MYCBP2: variants seen among roughly 807,000 people sequenced by gnomAD.
The protein encoded by MYCBP2 is E3 ubiquitin-protein ligase MYCBP2.
Under a neutral mutation model 525.3 loss-of-function variants are expected in MYCBP2, and 120 were observed. That is an observed-to-expected ratio of 0.23 (90% CI 0.20 to 0.27). The LOEUF is 0.27. Ranked by LOEUF, MYCBP2 falls within the 10% of genes least tolerant of loss-of-function variation. The pLI is 1.00. For synonymous variants in MYCBP2, 1,894 were observed against 1,955.8 expected (o/e 0.97, Z 0.83); for missense variants, 4,149 against 5,657.1 (o/e 0.73, Z 8.55).
intron 26 of MYCBP2, 119 bp downstream of exon 26, chr13:77,205,137 A>C (rs1014683910): frequency 4.4e-6 from 4 of 898,984 alleles, no homozygotes; most frequent in Non-Finnish European, 6.0e-6. Flanking sequence ...AAGAAGCATT[A>C]AAAACAAAAT....
intron 3 of MYCBP2, among the ~76,000 whole-genome samples, chr13:77,283,679 T>G (rs559377727): frequency 1.3e-5 from 2 of 152,110 alleles, no homozygotes; most frequent in Admixed American, 1.3e-4. Flanking sequence ...GTCAGACTGC[T>G]TGAGCTCAAG....
chr13:77,307,427 C>T (rs1239578875), intron 1 of MYCBP2, among the ~76,000 whole-genome samples: 2 of 151,078 alleles, frequency 1.3e-5, no homozygotes, highest in African/African-American at 4.9e-5. Flanking sequence ...AAAAAATGGT[C>T]CTGGCCTGGG....
chr13:77,126,415 G>A lies in MYCBP2; in HGVS notation c.7787C>T (p.Thr2596Met), dbSNP rs2051682722. Residue 2596 changes from threonine to methionine, a missense_variant, in exon 53 of 83, where the codon ACG becomes ATG. Physicochemically the swap from Thr to Met is moderately conservative, Grantham distance 81. Around this residue, in one of 21 missense-constraint regions of MYCBP2, gnomAD observed 5 missense variants for 23.4 expected, o/e 0.21. Coordinates refer to ENST00000544440, the MANE Select transcript of MYCBP2 (RefSeq NM_015057.5). ...TCTGATGTTGTGACCTGAAGGTCCC[G>A]TCTTCACTACCTTGTACATGCCTGG... ...GGPGMYKVVK[T>M]GPSGHNIRSC... The A allele has an allele frequency of 3.7e-6, 6 of 1,613,924 alleles. No individual in the cohort carries two copies. The highest frequency in any genetic ancestry group is 1.7e-4 in the Middle Eastern group (1 of 6,058).
chr13:77,054,603 CTT>C (rs113625592), intron 80 of MYCBP2, among the ~76,000 whole-genome samples: 50 of 139,838 alleles, frequency 3.6e-4, no homozygotes, highest in Non-Finnish European at 3.9e-4. Context: ...TTGGTAAAGT[CTT>C]TTTTTTTTTT....
chr13:77,288,088 T>C (rs1359815768), intron 3 of MYCBP2, 73 bp downstream of exon 3: 1 of 1,398,212 alleles, frequency 7.2e-7, no homozygotes. Context: ...ATTTTAGCAA[T>C]GCGTATATAT....
At chr13:77,079,198 T>C (rs563668348) in intron 65 of MYCBP2, among the ~76,000 whole-genome samples, 1 of 152,186 alleles carries the variant, frequency 6.6e-6, no homozygotes, top group Non-Finnish European at 1.5e-5. Flanking sequence ...ACAAATCTGC[T>C]TGTCACTTAT....
At chr13:77,168,870 T>C (rs1327485500) in intron 39 of MYCBP2, among the ~76,000 whole-genome samples, 1 of 152,226 alleles carries the variant, frequency 6.6e-6, no homozygotes, top group Non-Finnish European at 1.5e-5. Context: ...TGTTTTTTCA[T>C]GATCTGAAGT....
intron 14 of MYCBP2, among the ~76,000 whole-genome samples, chr13:77,253,963 T>C (rs898165120): frequency 3.3e-5 from 5 of 151,984 alleles, no homozygotes; most frequent in Non-Finnish European, 7.4e-5. Flanking sequence ...AACTCATTTA[T>C]AACAATGAAA....
At chr13:77,265,473 G>A (rs1567097000) in intron 8 of MYCBP2, among the ~76,000 whole-genome samples, 1 of 152,040 alleles carries the variant, frequency 6.6e-6, no homozygotes, top group Non-Finnish European at 1.5e-5. Context: ...ATAAGCCGAG[G>A]TTTAAAGAAT....
Position 77,205,578 on chromosome 13 carries a change from C to T in MYCBP2, c.3610G>A (p.Ala1204Thr). ...ACACCCATTTTTAAGTCCTGCATAG[C>T]TGCCAAGGTATCAAGACAACCTAAA... ...HILGCLDTLA[A>T]MQDLKMGVAS... The change falls in exon 25 of 83, where the codon GCT becomes ACT. Residue 1204 changes from alanine (A) to threonine (T), a missense_variant. Around this residue, in one of 21 missense-constraint regions of MYCBP2, gnomAD observed 620 missense variants for 795.5 expected, o/e 0.78. Coordinates refer to ENST00000544440, the MANE Select transcript of MYCBP2 (RefSeq NM_015057.5). 1.2e-6 allele frequency: 2 copies of T among 1,612,220 alleles called. No homozygotes were observed. Among genetic ancestry groups the T allele is most frequent in the Non-Finnish European group, 1.7e-6 (2 of 1,179,442 alleles).
intron 14 of MYCBP2, among the ~76,000 whole-genome samples, chr13:77,252,419 C>G (rs1305173131): frequency 6.6e-6 from 1 of 152,124 alleles, no homozygotes; most frequent in Non-Finnish European, 1.5e-5. Context: ...GTAAGAAAGA[C>G]AGACATTAAT....
intron 1 of MYCBP2, among the ~76,000 whole-genome samples, chr13:77,314,851 TG>T (rs2080735904): frequency 6.6e-6 from 1 of 152,032 alleles, no homozygotes; most frequent in Admixed American, 6.6e-5. Context: ...AGGCTATGCG[TG>T]AGTGGGGGAA....
chr13:77,184,871 A>G (rs1023852126), intron 32 of MYCBP2, among the ~76,000 whole-genome samples: 1 of 152,160 alleles, frequency 6.6e-6, no homozygotes, highest in African/African-American at 2.4e-5. Flanking sequence ...ACTCACTCCA[A>G]TTCAAAAACC....
chr13:77,098,622 T>C lies in MYCBP2; in HGVS notation c.8532A>G (p.Ser2844=), dbSNP rs769405923. 2.0e-5 allele frequency: 32 copies of C among 1,613,280 alleles called. No homozygotes were observed. The highest frequency in any genetic ancestry group is 2.5e-5 in the Non-Finnish European group (30 of 1,179,704). ...TTTGAGGTAGATTTTTATCATGTGG[T>C]GAGGAGGAGCGTGGAGAACTAGCAC... ...PSGASSPRSS[S]PHDKNLPQKS... is the part of the protein sequence containing the mutation. The change falls in exon 56 of 83, where the codon TCA becomes TCG. Residue 2844 remains serine (S), a synonymous_variant. Transcript: ENST00000544440.
chr13:77,164,420 C>G, intron 43 of MYCBP2, 34 bp downstream of exon 43: 1 of 1,408,780 alleles, frequency 7.1e-7, no homozygotes, highest in Non-Finnish European at 1.0e-6. Context: ...AAACAAAACC[C>G]TATCAAAAAA....
chr13:77,166,643 C>T, intron 40 of MYCBP2, 89 bp from the exon 41 acceptor site: 1 of 784,658 alleles, frequency 1.3e-6, no homozygotes, highest in African/African-American at 1.7e-5. Context: ...TGTGTCTATG[C>T]TTTTATTAAA....
At chr13:77,260,615 A>T in intron 12 of MYCBP2, 23 bp from the exon 13 acceptor site, 1 of 1,547,154 alleles carries the variant, frequency 6.5e-7, no homozygotes, top group Non-Finnish European at 8.8e-7. Context: ...AATTAGATTA[A>T]ATCAAGACCT....
intron 82 of MYCBP2, among the ~76,000 whole-genome samples, chr13:77,045,881 G>A (rs899064926): frequency 6.6e-6 from 1 of 152,146 alleles, no homozygotes; most frequent in Non-Finnish European, 1.5e-5. Context: ...AGAAAACAGG[G>A]AGATTTTTGT....
At chr13:77,281,437 T>C (rs1480027638) in intron 3 of MYCBP2, among the ~76,000 whole-genome samples, 1 of 152,038 alleles carries the variant, frequency 6.6e-6, no homozygotes, top group African/African-American at 2.4e-5. Context: ...ATAATAATTA[T>C]AACAATAAAA....
Sources: allele counts gnomAD v4.1 joint callset (sites outside exome capture counted in the v4.1 genomes callset), GRCh38; gene constraint gnomAD v4.1.1; regional missense constraint gnomAD v4.1.1; transcripts MANE v1.5; gene names NCBI Gene and HGNC (gene_info 2026-07-23, HGNC 2026-07-21).